Variants in IARS1 observed in about 807,000 individuals in gnomAD.
IARS1 encodes isoleucyl-tRNA synthetase 1, also known as isoleucine--tRNA ligase, cytoplasmic.
IARS1 carries 124 observed loss-of-function variants against 168.2 expected under a neutral mutation model. The ratio of observed to expected loss-of-function variants is 0.74; its 90% confidence interval spans 0.64 to 0.86. The LOEUF (loss-of-function observed/expected upper bound fraction) is 0.86, where lower values mean the gene tolerates loss of function less well. Among genes scored for constraint, IARS1 ranks in the 40% least tolerant of loss-of-function variants. IARS1 has a pLI of 0.00. For synonymous variants in IARS1, 532 were observed against 529.4 expected, an observed-to-expected ratio of 1.00 and a Z score of -0.07; for missense variants, 1,452 against 1,515.8, an observed-to-expected ratio of 0.96 and a Z score of 0.70.
chr9:92,236,043 C>A (rs1039988097), intron 30 of IARS1, among the ~76,000 whole-genome samples: 6 of 150,838 alleles, frequency 4.0e-5, no homozygotes, highest in Non-Finnish European at 8.9e-5. Flanking sequence ...AGTGCAATGG[C>A]ACGATCTCAG....
intron 14 of IARS1, among the ~76,000 whole-genome samples, chr9:92,267,956 G>GA (rs1268999086): frequency 4.6e-5 from 7 of 151,868 alleles, no homozygotes; most frequent in Non-Finnish European, 1.0e-4. Flanking sequence ...TTTTACAGAG[G>GA]AAAGTTTTAT....
chr9:92,244,249 G>GT (rs1828859779), intron 27 of IARS1, among the ~76,000 whole-genome samples: 1 of 152,090 alleles, frequency 6.6e-6, no homozygotes, highest in South Asian at 2.1e-4. Context: ...TCCCAGCTAC[G>GT]ATACCTCCGA....
At chr9:92,249,148 A>C (rs1301581294) in intron 25 of IARS1, among the ~76,000 whole-genome samples, 1 of 152,148 alleles carries the variant, frequency 6.6e-6, no homozygotes, top group African/African-American at 2.4e-5. Context: ...CTCCAGGGAG[A>C]AATGGGGTGG....
chr9:92,229,998 C>T (rs1451184102), intron 30 of IARS1, among the ~76,000 whole-genome samples: 1 of 149,482 alleles, frequency 6.7e-6, no homozygotes, highest in Non-Finnish European at 1.5e-5. Context: ...CCTCCTTAAT[C>T]CCTGGCAAAC....
In IARS1 at chr9:92,241,048, A is replaced by G. The variant is rs1055444484; in HGVS notation, c.3178-87T>C. On this transcript the variant is annotated intron_variant, in intron 29 of 33. Coordinates refer to ENST00000443024, the MANE Select transcript of IARS1 (RefSeq NM_002161.6). ...TCGTGTAACACAGTGACTTCTCAGT[A>G]ACAACAAGAGCTGTACACAATTGAT... 8.0e-6 allele frequency: 6 copies of G among 749,254 alleles called. No homozygotes were observed. The African/African-American group carries it at 1.0e-4, about 13-fold the overall frequency. 46.4% of individuals were successfully genotyped at this position (749,254 alleles called of 1,614,324 possible).
intron 19 of IARS1, 69 bp downstream of exon 19, chr9:92,258,785 C>A: frequency 6.8e-7 from 1 of 1,460,966 alleles, no homozygotes; most frequent in Non-Finnish European, 9.2e-7. Context: ...AGAGCTCCAC[C>A]TCACAGCTTG....
chr9:92,273,436 G>C (rs1200527386), intron 10 of IARS1, among the ~76,000 whole-genome samples: 1 of 152,142 alleles, frequency 6.6e-6, no homozygotes, highest in Non-Finnish European at 1.5e-5. Flanking sequence ...ATGAGGATGA[G>C]GATTTGCTTT....
At chr9:92,262,841 CCTT>C (rs997586467) in intron 17 of IARS1, 125 bp downstream of exon 17, 5 of 685,940 alleles carry the variant, frequency 7.3e-6, no homozygotes, top group Non-Finnish European at 1.3e-5. Context: ...GTCACACACT[CCTT>C]CTTGAGAAAC....
chr9:92,256,715 T>C lies in IARS1; in HGVS notation c.2102A>G (p.Gln701Arg), dbSNP rs1830778921. Residue 701 changes from glutamine to arginine, a missense_variant, in exon 20 of 34, where the codon CAG becomes CGG. By Grantham distance (43) the Gln-to-Arg change is conservative. Transcript: ENST00000443024. ...ITDRWILSFM[Q>R]SLIGFFETEM... The stretch of plus-strand genomic sequence containing the variant: ...AGTCTCAAAGAAGCCAATGAGAGAC[T>C]GCATGAAGGACAGGATCCACCGGTC... The C allele has an allele frequency of 8.1e-6, 13 of 1,613,988 alleles. No individual in the cohort carries two copies. Among genetic ancestry groups the C allele is most frequent in the Non-Finnish European group, 1.0e-5 (12 of 1,179,886 alleles).
chr9:92,282,234 A>G (rs1054539559), intron 6 of IARS1, among the ~76,000 whole-genome samples: 3 of 152,190 alleles, frequency 2.0e-5, no homozygotes, highest in African/African-American at 7.2e-5. Flanking sequence ...CATTTAGGGA[A>G]TCTAGTTGAA....
chr9:92,217,936 C>G (rs1469948171), intron 33 of IARS1, among the ~76,000 whole-genome samples: 3 of 152,166 alleles, frequency 2.0e-5, no homozygotes, highest in Non-Finnish European at 2.9e-5. Context: ...AGGCCAGCAT[C>G]ATTCTGATAC....
intron 33 of IARS1, among the ~76,000 whole-genome samples, chr9:92,211,371 C>T (rs1410326995): frequency 4.6e-5 from 7 of 152,026 alleles, no homozygotes; most frequent in South Asian, 4.1e-4. Flanking sequence ...CTCTCACTCT[C>T]GCTGGTTCTA....
intron 31 of IARS1, among the ~76,000 whole-genome samples, chr9:92,224,876 T>G (rs969346984): frequency 6.6e-6 from 1 of 151,722 alleles, no homozygotes; most frequent in South Asian, 2.1e-4. Flanking sequence ...TCAGTGGACA[T>G]GTTCTATTCT....
At chr9:92,232,882 T>A (rs536855258) in intron 30 of IARS1, among the ~76,000 whole-genome samples, 2 of 152,324 alleles carry the variant, frequency 1.3e-5, no homozygotes, top group African/African-American at 4.8e-5. Context: ...ATATTTTTAA[T>A]TATCACTCTG....
chr9:92,221,143 A>T (rs1839612578), intron 33 of IARS1, among the ~76,000 whole-genome samples: 1 of 152,188 alleles, frequency 6.6e-6, no homozygotes. Context: ...AGGGTAAGAT[A>T]AAAAAGCCAA....
At chr9:92,243,360 C>T (rs767937359) in intron 27 of IARS1, 49 bp from the exon 28 acceptor site, 1 of 1,290,638 alleles carries the variant, frequency 7.7e-7, no homozygotes, top group Non-Finnish European at 1.1e-6. Context: ...AGGAGAAACA[C>T]TTCTTCCCAA....
intron 19 of IARS1, among the ~76,000 whole-genome samples, chr9:92,258,545 G>A (rs562279811): frequency 1.9e-4 from 29 of 152,346 alleles, no homozygotes; most frequent in African/African-American, 4.8e-4. Context: ...AGCCGAGATC[G>A]TGCTATTGCA....
intron 26 of IARS1, among the ~76,000 whole-genome samples, chr9:92,246,571 A>C (rs1363669587): frequency 6.6e-6 from 1 of 152,198 alleles, no homozygotes; most frequent in African/African-American, 2.4e-5. Flanking sequence ...AACACTTATC[A>C]AAACCATAAT....
chr9:92,223,486 A>G lies in IARS1; in HGVS notation c.3413T>C (p.Ile1138Thr). ...ACTCAGTAAGTCAGTTTGGTTTTGT[A>G]TTTCTAAAAATAACAACAACAATTC... is the stretch of plus-strand genomic sequence containing the variant. Reference protein sequence around the residue: ...ELAVFHDETEIQNQTDLLSLS... With the variant: ...ELAVFHDETETQNQTDLLSLS... The change falls in exon 32 of 34, where the codon ATA becomes ACA. Residue 1138 changes from isoleucine (I) to threonine (T), a missense_variant. Ile to Thr is a moderately conservative substitution (Grantham distance 89). Transcript: ENST00000443024. 2 of 1,607,784 alleles carry G rather than the reference A, an allele frequency of 1.2e-6. No individual in the cohort carries two copies. The highest frequency in any genetic ancestry group is 1.7e-6 in the Non-Finnish European group (2 of 1,176,860).
Sources: allele counts gnomAD v4.1 joint callset (sites outside exome capture counted in the v4.1 genomes callset), GRCh38; gene constraint gnomAD v4.1.1; transcripts MANE v1.5; gene names NCBI Gene and HGNC (gene_info 2026-07-23, HGNC 2026-07-21).